Variants in COL27A1 observed in about 807,000 individuals in gnomAD.
COL27A1 encodes the protein collagen alpha-1(XXVII) chain.
COL27A1 carries 106 observed loss-of-function variants against 251.3 expected under a neutral mutation model. That is an observed-to-expected ratio of 0.42 (90% confidence interval 0.36 to 0.50). COL27A1 has a LOEUF of 0.50. COL27A1 is among the 20% of genes least tolerant of loss of function. The probability of loss-of-function intolerance (pLI) is 0.00; values close to 1 mark genes in which losing one functional copy is unlikely to be tolerated. For synonymous variants in COL27A1, 1,000 were observed against 986.3 expected, an observed-to-expected ratio of 1.01 and a Z score of -0.26; for missense variants, 2,325 against 2,522.8, an observed-to-expected ratio of 0.92 and a Z score of 1.68.
Position 114,206,775 on chromosome 9 carries a change from C to T in COL27A1, c.2268+479C>T, listed in dbSNP as rs543405666. Among the ~76,000 whole-genome samples the T allele has an allele frequency of 2.0e-4, 30 of 152,302 alleles. No individual in the cohort carries two copies. The East Asian group carries it at 5.0e-3, about 25-fold the overall frequency. ...CAGATCTCCCCTTCCTTCAAGGCCCCCATGGAGCAGACCCCGAGTAGCGAT... is the reference window on the plus strand; with the variant it reads ...CAGATCTCCCCTTCCTTCAAGGCCCTCATGGAGCAGACCCCGAGTAGCGAT... On this transcript the variant is annotated intron_variant, in intron 10 of 60. Transcript: ENST00000356083.
At chr9:114,284,892 G>C in intron 41 of COL27A1, 115 bp downstream of exon 41, 1 of 1,132,472 alleles carries the variant, frequency 8.8e-7, no homozygotes, top group Non-Finnish European at 1.3e-6. Context: ...GCCTGTGGGG[G>C]CTCACCCCCT....
chr9:114,270,805 C>A, intron 36 of COL27A1, 24 bp downstream of exon 36: 2 of 1,587,002 alleles, frequency 1.3e-6, no homozygotes, highest in Non-Finnish European at 8.6e-7. Context: ...TAGGGCAGGG[C>A]CTGGGGACCC....
chr9:114,284,919 G>A, intron 41 of COL27A1, 142 bp downstream of exon 41: 4 of 838,094 alleles, frequency 4.8e-6, no homozygotes, highest in Non-Finnish European at 7.9e-6. Context: ...GCCGAGGCTG[G>A]TGTCACTGCC....
chr9:114,188,053 C>T (rs1051886487), intron 5 of COL27A1, among the ~76,000 whole-genome samples: 1 of 152,190 alleles, frequency 6.6e-6, no homozygotes, highest in East Asian at 1.9e-4. Flanking sequence ...AAGAATTCAA[C>T]AGCCAGCTGG....
At chr9:114,213,354 T>C (rs1212963120) in intron 12 of COL27A1, among the ~76,000 whole-genome samples, 2 of 152,188 alleles carry the variant, frequency 1.3e-5, no homozygotes, top group African/African-American at 2.4e-5. Context: ...CTCCCTGCCA[T>C]GTACCTGTGT....
At chr9:114,239,784 T>C (rs1220457870) in intron 19 of COL27A1, among the ~76,000 whole-genome samples, 1 of 152,184 alleles carries the variant, frequency 6.6e-6, no homozygotes, top group Non-Finnish European at 1.5e-5. Context: ...TCAGTGCTTT[T>C]CAATGCTTTC....
rs756136718 is a variant in COL27A1 at position 114,284,705 on chromosome 9, CCTT to C, written c.3934-15_3934-13del. On this transcript the variant is annotated splice_polypyrimidine_tract_variant and intron_variant, in intron 40 of 60. Transcript: ENST00000356083. Reference sequence around the variant, plus strand: ...CCTGAGTCCTCATTCTCACTTCCCTCCTTCTTGTTTGCCTGCAGGGACACAAAG... The same window carrying C: ...CCTGAGTCCTCATTCTCACTTCCCTCCTTGTTTGCCTGCAGGGACACAAAG... 2 of 1,613,678 alleles carry C rather than the reference CCTT, an allele frequency of 1.2e-6. No individual in the cohort carries two copies. The highest frequency in any genetic ancestry group is 8.5e-7 in the Non-Finnish European group (1 of 1,179,740).
At chr9:114,194,022 A>G (rs945587426) in intron 5 of COL27A1, among the ~76,000 whole-genome samples, 5 of 152,160 alleles carry the variant, frequency 3.3e-5, no homozygotes, top group African/African-American at 1.2e-4. Context: ...CCTGAGCAAC[A>G]GCCTGGTCGC....
rs1040020167 is a variant in COL27A1 at position 114,258,415 on chromosome 9, C to T, written c.3142-126C>T. 1.3e-4 allele frequency: 124 copies of T among 923,916 alleles called. No homozygotes were observed. The Admixed American group carries it at 2.8e-3, about 20-fold the overall frequency. The allele number at this position is 923,916 out of a possible 1,614,324, so 57.2% of individuals were successfully genotyped here. On this transcript the variant is annotated intron_variant, in intron 27 of 60. Transcript: ENST00000356083. ...TTCCATGTGGAGGCTGCTGGGGCCC[C>T]GGCAGCTTCTGAACATGCCCGTCTG...
chr9:114,301,495 G>C, intron 54 of COL27A1, 33 bp downstream of exon 54: 1 of 1,596,406 alleles, frequency 6.3e-7, no homozygotes, highest in East Asian at 2.2e-5. Context: ...CTGTGGGGCG[G>C]GGCGTGGGGC....
rs763632628 is a variant in COL27A1 at position 114,194,391 on chromosome 9, GT to G, written c.2017-8del. On this transcript the variant is annotated splice_polypyrimidine_tract_variant and intron_variant, in intron 5 of 60. Transcript: ENST00000356083. ...ATGACTTGGTGGCCAAAGTGGAATT[GT>G]TTTTGTTTCAGGGACAGAAAGGGGA... is the stretch of plus-strand genomic sequence containing the variant. 3 of 1,613,458 alleles carry G rather than the reference GT, an allele frequency of 1.9e-6. No individual in the cohort carries two copies. In the Admixed American group the frequency reaches 5.0e-5, roughly 27 times the overall value.
intron 5 of COL27A1, among the ~76,000 whole-genome samples, chr9:114,187,370 C>A (rs1313786350): frequency 6.6e-6 from 1 of 152,198 alleles, no homozygotes; most frequent in Non-Finnish European, 1.5e-5. Context: ...CTGTAGTGGT[C>A]CTGCCCAGTA....
chr9:114,219,709 C>A (rs1278940536), intron 12 of COL27A1, 82 bp from the exon 13 acceptor site: 3 of 963,726 alleles, frequency 3.1e-6, no homozygotes, highest in Admixed American at 1.7e-5. Context: ...TCCTTGTGTC[C>A]CCCCTGGGGG....
chr9:114,262,970 G>A (rs1276717434), intron 28 of COL27A1, among the ~76,000 whole-genome samples: 9 of 118,118 alleles, frequency 7.6e-5, no homozygotes, highest in Admixed American at 2.3e-4. Flanking sequence ...ATGGAGTCTC[G>A]CTCTGTCGCC....
intron 16 of COL27A1, among the ~76,000 whole-genome samples, chr9:114,234,081 G>GA (rs1300443444): frequency 6.6e-6 from 1 of 152,038 alleles, no homozygotes; most frequent in Non-Finnish European, 1.5e-5. Context: ...AAGCATTCTG[G>GA]AAGCAAAGCT....
intron 23 of COL27A1, among the ~76,000 whole-genome samples, chr9:114,245,163 T>TTTG (rs1833040201): frequency 7.2e-6 from 1 of 138,776 alleles, no homozygotes; most frequent in African/African-American, 2.6e-5. Flanking sequence ...TTTTTTTTTT[T>TTTG]TTTTTTTTTT....
At chr9:114,203,837 G>A (rs1829741107) in intron 7 of COL27A1, among the ~76,000 whole-genome samples, 1 of 152,158 alleles carries the variant, frequency 6.6e-6, no homozygotes, top group South Asian at 2.1e-4. Context: ...GTTCCCAGAT[G>A]TCAGAAGGAT....
Position 114,205,751 on chromosome 9 carries a change from CT to C in COL27A1, c.2170-5del. 6.2e-7 allele frequency: 1 copy of C among 1,613,934 alleles called. No homozygotes were observed. Among genetic ancestry groups the C allele is most frequent in the South Asian group, 1.1e-5 (1 of 91,084 alleles). ...CTTTTCCTTATGTTTCTCTCTGTTC[CT>C]TTGCAGGGGCAGCCAGGACCTGAGG... On this transcript the variant is annotated splice_region_variant and splice_polypyrimidine_tract_variant and intron_variant, in intron 8 of 60. Coordinates refer to ENST00000356083, the MANE Select transcript of COL27A1 (RefSeq NM_032888.4).
intron 49 of COL27A1, among the ~76,000 whole-genome samples, chr9:114,298,407 AAAG>A (rs1276155677): frequency 1.3e-5 from 2 of 152,234 alleles, no homozygotes; most frequent in South Asian, 2.1e-4. Flanking sequence ...TTTGATCTTT[AAAG>A]AAGATCAAAG....
Sources: allele counts gnomAD v4.1 joint callset (sites outside exome capture counted in the v4.1 genomes callset), GRCh38; gene constraint gnomAD v4.1.1; transcripts MANE v1.5; gene names NCBI Gene and HGNC (gene_info 2026-07-23, HGNC 2026-07-21).